TXNRD3: variants seen among roughly 807,000 people sequenced by gnomAD.
TXNRD3 encodes TXNRD3 neighbor gene protein.
TXNRD3 carries 68 observed loss-of-function variants against 78.2 expected under a neutral mutation model. That is an observed-to-expected ratio of 0.87 (90% CI 0.72 to 1.06). The LOEUF is 1.06. Ranked by LOEUF, TXNRD3 falls within the 50% of genes least tolerant of loss-of-function variation. TXNRD3 has a pLI of 0.00. For missense variants in TXNRD3, 751 were observed against 809.5 expected, an observed-to-expected ratio of 0.93 and a Z score of 0.88; for synonymous variants, 296 against 300.1, an observed-to-expected ratio of 0.99 and a Z score of 0.14.
Position 126,625,730 on chromosome 3 carries a change from A to C in TXNRD3, c.1291-3190T>G, listed in dbSNP as rs191171626. ...TTCAAGAACCGTGAGGAATTGCCAC[A>C]CTGACTTCCACAATGGTTGAACTAG... On this transcript the variant is annotated intron_variant, in intron 10 of 15. Coordinates refer to ENST00000524230, the MANE Select transcript of TXNRD3 (RefSeq NM_052883.3). 3.9e-3 allele frequency among the ~76,000 whole-genome samples: 600 copies of C among 152,316 alleles called. 4 individuals carry two copies. The highest frequency in any genetic ancestry group is 0.014 in the African/African-American group (579 of 41,564).
chr3:126,652,704 A>T (rs1933418427), intron 1 of TXNRD3, among the ~76,000 whole-genome samples: 1 of 152,160 alleles, frequency 6.6e-6, no homozygotes, highest in South Asian at 2.1e-4. Flanking sequence ...TGCACCTGCA[A>T]TGGGATGGTG....
chr3:126,654,873 G>A lies in TXNRD3; in HGVS notation c.118C>T (p.Leu40=). 7.5e-7 allele frequency: 1 copy of A among 1,331,226 alleles called. No individual in the cohort carries two copies. The allele number at this position is 1,331,226 out of a possible 1,614,324, so 82.5% of individuals were successfully genotyped here. A position where few individuals can be genotyped will look rare whatever the true frequency, so the allele number is the denominator to read the frequency against. ...GAGCGGCTGGGCCCGGGGGACGACA[G>A]GCGGGCACGGCGCCCCGGCGGCGAC... Residue 40 remains leucine, a synonymous_variant, in exon 1 of 16, where the codon CTG becomes TTG. Coordinates refer to ENST00000524230, the MANE Select transcript of TXNRD3 (RefSeq NM_052883.3).
chr3:126,636,356 T>C, intron 6 of TXNRD3, among the ~76,000 whole-genome samples: 1 of 152,230 alleles, frequency 6.6e-6, no homozygotes, highest in East Asian at 1.9e-4. Flanking sequence ...ATCGGCCCTT[T>C]GTGTGCACTG....
chr3:126,650,616 G>A (rs1039572244), intron 1 of TXNRD3, among the ~76,000 whole-genome samples: 7 of 151,780 alleles, frequency 4.6e-5, no homozygotes, highest in African/African-American at 1.7e-4. Flanking sequence ...ACTCCAGCCT[G>A]GGCAACAGAG....
chr3:126,649,048 G>A (rs73197958), intron 1 of TXNRD3, among the ~76,000 whole-genome samples: 1 of 152,120 alleles, frequency 6.6e-6, no homozygotes, highest in Admixed American at 6.5e-5. Flanking sequence ...CAACTGAGTA[G>A]AGAGGTGACC....
chr3:126,651,181 C>T (rs560463089), intron 1 of TXNRD3, among the ~76,000 whole-genome samples: 1 of 152,216 alleles, frequency 6.6e-6, no homozygotes, highest in South Asian at 2.1e-4. Flanking sequence ...ACTGTACAAC[C>T]AAGTTAGTGA....
intron 14 of TXNRD3, among the ~76,000 whole-genome samples, chr3:126,609,929 T>C (rs568994598): frequency 8.1e-4 from 124 of 152,256 alleles, no homozygotes; most frequent in African/African-American, 2.9e-3. Context: ...CGCCCACAAC[T>C]GCCAAAAATT....
At chr3:126,631,480 T>C (rs899580447) in intron 8 of TXNRD3, among the ~76,000 whole-genome samples, 1 of 152,122 alleles carries the variant, frequency 6.6e-6, no homozygotes, top group Non-Finnish European at 1.5e-5. Context: ...TATTTACTTC[T>C]TTGTTTTGGC....
At chr3:126,627,895 T>C (rs769308065) in intron 10 of TXNRD3, among the ~76,000 whole-genome samples, 1 of 152,126 alleles carries the variant, frequency 6.6e-6, no homozygotes, top group Non-Finnish European at 1.5e-5. Context: ...TACTCAAACC[T>C]AAAATTAAAA....
intron 12 of TXNRD3, among the ~76,000 whole-genome samples, chr3:126,620,688 G>C (rs1938430277): frequency 6.6e-6 from 1 of 152,148 alleles, no homozygotes; most frequent in Non-Finnish European, 1.5e-5. Context: ...GGGAAATAAA[G>C]GTCTCAACAG....
At chr3:126,631,050 T>C in intron 8 of TXNRD3, 113 bp from the exon 9 acceptor site, 1 of 1,055,902 alleles carries the variant, frequency 9.5e-7, no homozygotes, top group South Asian at 1.7e-5. Context: ...AGTGCTTGAA[T>C]GAAGCAACAG....
intron 6 of TXNRD3, among the ~76,000 whole-genome samples, chr3:126,635,059 CCT>C (rs1490258782): frequency 2.0e-5 from 3 of 152,176 alleles, no homozygotes; most frequent in African/African-American, 7.2e-5. Context: ...CCTCCCACAC[CCT>C]GTGATGTTGG....
intron 13 of TXNRD3, 117 bp downstream of exon 13, chr3:126,615,238 T>C: frequency 2.0e-6 from 1 of 488,386 alleles, no homozygotes; most frequent in South Asian, 3.6e-5. Flanking sequence ...AGGAATATGA[T>C]TTCCTACAAT....
At chr3:126,623,780 C>G (rs1358853210) in intron 10 of TXNRD3, among the ~76,000 whole-genome samples, 1 of 140,824 alleles carries the variant, frequency 7.1e-6, no homozygotes, top group Non-Finnish European at 1.5e-5. Context: ...ACACCAGGAA[C>G]CAGACAGGCA....
chr3:126,653,664 T>C (rs1040704126), intron 1 of TXNRD3, among the ~76,000 whole-genome samples: 3 of 152,272 alleles, frequency 2.0e-5, no homozygotes, highest in African/African-American at 7.2e-5. Flanking sequence ...GTAGAAATCA[T>C]GCATCCTTTA....
intron 1 of TXNRD3, among the ~76,000 whole-genome samples, chr3:126,649,182 C>G (rs546345230): frequency 6.6e-6 from 1 of 152,270 alleles, no homozygotes; most frequent in East Asian, 1.9e-4. Flanking sequence ...AATGGGAAAG[C>G]ACTTGAATAT....
At chr3:126,646,829 G>A (rs986766675) in intron 2 of TXNRD3, among the ~76,000 whole-genome samples, 1 of 152,188 alleles carries the variant, frequency 6.6e-6, no homozygotes, top group African/African-American at 2.4e-5. Context: ...AATATTAGAT[G>A]TATGAATGCC....
intron 13 of TXNRD3, among the ~76,000 whole-genome samples, chr3:126,612,091 T>G (rs1938211893): frequency 6.6e-6 from 1 of 152,142 alleles, no homozygotes; most frequent in Admixed American, 6.5e-5. Context: ...CAAGCTAGAG[T>G]GCAGTGGTGA....
rs1484746259 is a variant in TXNRD3 at position 126,644,033 on chromosome 3, C to G, written c.540G>C (p.Lys180Asn). 6.5e-7 allele frequency: 1 copy of G among 1,536,050 alleles called. No homozygotes were observed. Among genetic ancestry groups the G allele is most frequent in the Admixed American group, 2.0e-5 (1 of 50,968 alleles). Reference sequence around the variant, plus strand: ...CAACAAAGTCTAGCACCATAACTTTCTTTCCCAAAATGGCAGCTTCCTACA... The same window carrying G: ...CAACAAAGTCTAGCACCATAACTTTGTTTCCCAAAATGGCAGCTTCCTACA... The change falls in exon 5 of 16, where the codon AAG becomes AAC. Residue 180 changes from lysine to asparagine, a missense_variant. By Grantham distance (94) the Lys-to-Asn change is moderately conservative. Coordinates refer to ENST00000524230, the MANE Select transcript of TXNRD3 (RefSeq NM_052883.3).
Sources: allele counts gnomAD v4.1 joint callset (sites outside exome capture counted in the v4.1 genomes callset), GRCh38; gene constraint gnomAD v4.1.1; transcripts MANE v1.5; gene names NCBI Gene and HGNC (gene_info 2026-07-23, HGNC 2026-07-21).